The following SRGAP3 variants were observed in gnomAD, a reference collection of about 807,000 sequenced individuals.
SRGAP3 encodes SLIT-ROBO Rho GTPase-activating protein 3.
Under a neutral mutation model 121.1 loss-of-function variants are expected in SRGAP3, and 39 were observed. The ratio of observed to expected loss-of-function variants is 0.32; its 90% CI spans 0.25 to 0.42. The LOEUF (loss-of-function observed/expected upper bound fraction) is 0.42, where lower values mean the gene tolerates loss of function less well. SRGAP3 is among the 10% of genes least tolerant of loss of function. SRGAP3 has a pLI of 1.00. For synonymous variants in SRGAP3, 601 were observed against 570.0 expected (o/e 1.05, Z -0.77); for missense variants, 1,213 against 1,470.6 (o/e 0.82, Z 2.86).
At chr3:9,335,080 G>A (rs1955670007) in intron 1 of SRGAP3, among the ~76,000 whole-genome samples, 1 of 152,196 alleles carries the variant, frequency 6.6e-6, no homozygotes, top group Non-Finnish European at 1.5e-5. Context: ...CCACAACTTA[G>A]TGGCTTACAT....
At chr3:9,280,942 T>C (rs1445801168) in intron 3 of SRGAP3, among the ~76,000 whole-genome samples, 1 of 151,442 alleles carries the variant, frequency 6.6e-6, no homozygotes, top group Non-Finnish European at 1.5e-5. Flanking sequence ...GCAGAGGTAA[T>C]GTTGGCTGAA....
At chr3:9,089,113 G>C (rs1156256406) in intron 3 of SRGAP3, among the ~76,000 whole-genome samples, 1 of 152,066 alleles carries the variant, frequency 6.6e-6, no homozygotes, top group East Asian at 1.9e-4. Flanking sequence ...ACGACACAAA[G>C]CTGAATGAGA....
intron 1 of SRGAP3, among the ~76,000 whole-genome samples, chr3:9,243,666 GA>G (rs1353245123): frequency 6.6e-6 from 1 of 150,638 alleles, no homozygotes; most frequent in East Asian, 2.0e-4. Flanking sequence ...GAGAGAGAGA[GA>G]AAAGGGACTG....
intron 4 of SRGAP3, among the ~76,000 whole-genome samples, chr3:9,073,270 G>C (rs1258561360): frequency 6.6e-6 from 1 of 151,956 alleles, no homozygotes; most frequent in Non-Finnish European, 1.5e-5. Flanking sequence ...CAACCTCCCG[G>C]GTAGCTGCGA....
chr3:9,014,597 C>G (rs1039999504), intron 15 of SRGAP3: 3 of 154,662 alleles, frequency 1.9e-5, no homozygotes, highest in Admixed American at 6.3e-5. Context: ...GCAAGTGATA[C>G]AGGGCTCAGA....
chr3:9,338,616 G>A (rs1018357665), intron 1 of SRGAP3, among the ~76,000 whole-genome samples: 8 of 152,292 alleles, frequency 5.3e-5, no homozygotes, highest in Middle Eastern at 3.4e-3. Flanking sequence ...TCCTCAATCA[G>A]CCTCAGGTCT....
At chr3:9,008,580 A>G (rs1943202717) in intron 18 of SRGAP3, among the ~76,000 whole-genome samples, 1 of 152,082 alleles carries the variant, frequency 6.6e-6, no homozygotes, top group South Asian at 2.1e-4. Context: ...GGAGAACTGG[A>G]GGTGGTCGGC....
chr3:8,990,525 T>G lies in SRGAP3; in HGVS notation c.2873A>C (p.Glu958Ala). The G allele has an allele frequency of 6.4e-7, 1 of 1,558,174 alleles. No individual in the cohort carries two copies. Among genetic ancestry groups the G allele is most frequent in the Non-Finnish European group, 8.7e-7 (1 of 1,151,060 alleles). The change falls in exon 21 of 22, where the codon GAG becomes GCG. Residue 958 changes from glutamate (E) to alanine (A), a missense_variant. Around this residue, in one of 2 missense-constraint regions of SRGAP3, gnomAD observed 420 missense variants for 437.7 expected, o/e 0.96. Coordinates refer to ENST00000383836, the MANE Select transcript of SRGAP3 (RefSeq NM_014850.4). ...GCTGGCCCTTACTTCTGCCAGGGCC[T>G]CGGCCTCCAGGGACTTGTGGTCCCC... ...SLGDHKSLEA[E>A]ALAEDIEKTM...
rs541160963 is a variant in SRGAP3 at position 9,331,572 on chromosome 3, T to C, written n.215-976A>G. 3.3e-5 allele frequency among the ~76,000 whole-genome samples: 5 copies of C among 152,324 alleles called. No homozygotes were observed. The South Asian group carries it at 1.0e-3, about 32-fold the overall frequency. ...CTCGATAACTAGCCACATGGTAGAC[T>C]AAAAAGACTTGGCCACAAGGTTTTG... On this transcript the variant is annotated intron_variant and non_coding_transcript_variant, in intron 1 of 3. Transcript: ENST00000490889.
intron 3 of SRGAP3, chr3:9,081,357 C>T (rs1947237611): frequency 4.5e-6 from 2 of 449,248 alleles, no homozygotes; most frequent in African/African-American, 2.0e-5. Context: ...CTCTGGGGCA[C>T]AAGGCAAAAG....
intron 1 of SRGAP3, among the ~76,000 whole-genome samples, chr3:9,191,493 G>A (rs1464624337): frequency 6.6e-6 from 1 of 152,206 alleles, no homozygotes; most frequent in Non-Finnish European, 1.5e-5. Flanking sequence ...TATGTACATG[G>A]GAAGGAGGAA....
chr3:8,991,453 G>A (rs1942052239), intron 20 of SRGAP3, among the ~76,000 whole-genome samples: 1 of 152,156 alleles, frequency 6.6e-6, no homozygotes, highest in Admixed American at 6.5e-5. Context: ...TGTGCATTTG[G>A]TACCTTTCCC....
intron 1 of SRGAP3, among the ~76,000 whole-genome samples, chr3:9,155,100 T>C (rs1950369442): frequency 6.6e-6 from 1 of 152,156 alleles, no homozygotes; most frequent in South Asian, 2.1e-4. Flanking sequence ...CCTCGGTGTG[T>C]ATTAAAGTGT....
At chr3:9,231,608 T>C (rs1953214103) in intron 1 of SRGAP3, among the ~76,000 whole-genome samples, 1 of 152,202 alleles carries the variant, frequency 6.6e-6, no homozygotes, top group South Asian at 2.1e-4. Context: ...GAAGTTGCTT[T>C]GAATGCCTCC....
At chr3:9,020,354 C>A (rs1457786913) in intron 14 of SRGAP3, among the ~76,000 whole-genome samples, 1 of 151,636 alleles carries the variant, frequency 6.6e-6, no homozygotes, top group African/African-American at 2.4e-5. Context: ...GAAATCCCAA[C>A]TTATAGAACA....
intron 3 of SRGAP3, among the ~76,000 whole-genome samples, chr3:9,266,024 A>G (rs1954356035): frequency 6.6e-6 from 1 of 152,212 alleles, no homozygotes; most frequent in Non-Finnish European, 1.5e-5. Context: ...CATATACACC[A>G]CAGAATACTA....
At chr3:9,258,051 T>C (rs9861460) in intron 3 of SRGAP3, among the ~76,000 whole-genome samples, 7,413 of 152,250 alleles carry the variant, frequency 0.049, 601 homozygotes, top group African/African-American at 0.17. Flanking sequence ...CATTGAGATA[T>C]GCACAATCAT....
rs1016052424 is a variant in SRGAP3, at chr3:9,301,697, A to G, written n.442+24313T>C. Among the ~76,000 whole-genome samples, 3 of 152,226 alleles carry G rather than the reference A, an allele frequency of 2.0e-5. No individual in the cohort carries two copies. The South Asian group carries it at 6.2e-4, about 32-fold the overall frequency. ...AGGAGGTAGAATATTGAGTAGTAGT[A>G]AAAAGCTTCATCTTTGGCACCAGAC... On this transcript the variant is annotated intron_variant and non_coding_transcript_variant, in intron 3 of 3. Transcript: ENST00000490889.
chr3:9,204,275 C>T (rs1264341631), intron 1 of SRGAP3, among the ~76,000 whole-genome samples: 3 of 152,254 alleles, frequency 2.0e-5, no homozygotes, highest in Non-Finnish European at 4.4e-5. Flanking sequence ...ACAGAAGTGA[C>T]AGCCTCAGGG....
Sources: gnomAD v4.1 joint callset for allele counts (sites outside exome capture counted in the v4.1 genomes callset) on GRCh38, gnomAD v4.1.1 for gene constraint, gnomAD v4.1.1 regional missense constraint, MANE v1.5 for transcripts, NCBI Gene and HGNC (gene_info 2026-07-23, HGNC 2026-07-21) for gene names.